JARID2: variants seen among roughly 807,000 people sequenced by gnomAD.
JARID2 encodes the protein jumonji and AT-rich interaction domain containing 2, also known as protein Jumonji.
Under a neutral mutation model 125.6 loss-of-function variants are expected in JARID2, and 21 were observed. The observed-to-expected ratio is 0.17, with a 90% CI of 0.12 to 0.24. The LOEUF (loss-of-function observed/expected upper bound fraction) is 0.24, where lower values mean the gene tolerates loss of function less well. JARID2 is among the 10% of genes least tolerant of loss of function. The probability of loss-of-function intolerance (pLI) is 1.00; values close to 1 mark genes in which losing one functional copy is unlikely to be tolerated. For missense variants in JARID2, 1,303 were observed against 1,639.6 expected (o/e 0.79, Z 3.55); for synonymous variants, 736 against 661.6 (o/e 1.11, Z -1.73).
At chr6:15,414,546 G>A (rs200727110) in intron 3 of JARID2, among the ~76,000 whole-genome samples, 3 of 105,394 alleles carry the variant, frequency 2.8e-5, no homozygotes, top group Non-Finnish European at 4.0e-5. Context: ...CTCAAAACCG[G>A]TATATTTTTA....
intron 1 of JARID2, among the ~76,000 whole-genome samples, chr6:15,283,981 A>T (rs1000627473): frequency 2.0e-5 from 3 of 152,224 alleles, no homozygotes; most frequent in Non-Finnish European, 1.5e-5. Context: ...TGCTGGGATT[A>T]CAGGCGTGAG....
At chr6:15,257,750 G>T (rs954171339) in intron 1 of JARID2, among the ~76,000 whole-genome samples, 1 of 152,208 alleles carries the variant, frequency 6.6e-6, no homozygotes, top group Admixed American at 6.5e-5. Context: ...CAGCGGGTTG[G>T]TTGGTTTGTT....
At chr6:15,306,311 A>G (rs943623806) in intron 1 of JARID2, among the ~76,000 whole-genome samples, 7 of 151,004 alleles carry the variant, frequency 4.6e-5, no homozygotes, top group African/African-American at 1.7e-4. Context: ...TTTCTCATTA[A>G]CAACATAGTC....
At chr6:15,271,206 G>A (rs1265569509) in intron 1 of JARID2, among the ~76,000 whole-genome samples, 2 of 152,152 alleles carry the variant, frequency 1.3e-5, no homozygotes, top group Admixed American at 6.5e-5. Flanking sequence ...ATGTGTAGGG[G>A]GCATGCAGGA....
intron 5 of JARID2, among the ~76,000 whole-genome samples, chr6:15,478,651 C>A (rs1242586968): frequency 2.0e-5 from 3 of 151,850 alleles, no homozygotes; most frequent in Non-Finnish European, 4.4e-5. Flanking sequence ...TGTTTTAAAT[C>A]ATTATTTTTG....
chr6:15,412,007 G>A (rs1765899605), intron 3 of JARID2, among the ~76,000 whole-genome samples: 1 of 152,226 alleles, frequency 6.6e-6, no homozygotes, highest in African/African-American at 2.4e-5. Flanking sequence ...GCACCTGAGT[G>A]CAAAGCAGTC....
intron 1 of JARID2, among the ~76,000 whole-genome samples, chr6:15,349,032 G>A (rs897756277): frequency 2.0e-5 from 3 of 152,178 alleles, no homozygotes; most frequent in African/African-American, 4.8e-5. Context: ...GTATTAGGAA[G>A]GGAAAAATGT....
chr6:15,412,490 G>A (rs1765921405), intron 3 of JARID2, among the ~76,000 whole-genome samples: 1 of 152,098 alleles, frequency 6.6e-6, no homozygotes, highest in Non-Finnish European at 1.5e-5. Flanking sequence ...TGTATTTTTA[G>A]TAGAGATGGG....
intron 1 of JARID2, among the ~76,000 whole-genome samples, chr6:15,255,025 CAAAAAAA>C (rs539161155): frequency 7.1e-6 from 1 of 141,570 alleles, no homozygotes; most frequent in Non-Finnish European, 1.5e-5. Context: ...AAACAAAAAA[CAAAAAAA>C]AAACACCACA....
intron 2 of JARID2, among the ~76,000 whole-genome samples, chr6:15,395,917 C>G (rs910883502): frequency 6.6e-6 from 1 of 152,192 alleles, no homozygotes; most frequent in East Asian, 1.9e-4. Flanking sequence ...CCCGCCTTGG[C>G]CTCCCTAAGT....
chr6:15,380,795 A>T (rs1209396982), intron 2 of JARID2, among the ~76,000 whole-genome samples: 1 of 152,224 alleles, frequency 6.6e-6, no homozygotes, highest in Non-Finnish European at 1.5e-5. Flanking sequence ...TTCATTGTTA[A>T]CAAAATATGT....
At chr6:15,387,415 C>G (rs1253244849) in intron 2 of JARID2, among the ~76,000 whole-genome samples, 1 of 152,156 alleles carries the variant, frequency 6.6e-6, no homozygotes, top group Non-Finnish European at 1.5e-5. Context: ...AAGGTGCAGG[C>G]CAGCTGGGTT....
rs79379745 is a variant in JARID2, at chr6:15,452,442, A to G, written c.493+267A>G. On this transcript the variant is annotated intron_variant, in intron 4 of 17. Coordinates refer to ENST00000341776, the MANE Select transcript of JARID2 (RefSeq NM_004973.4). Reference sequence around the variant, plus strand: ...CTCAATGCACAATTATGCAGTTTCTAACTTTGACTTCTAATTTGATTTCTC... The same window carrying G: ...CTCAATGCACAATTATGCAGTTTCTGACTTTGACTTCTAATTTGATTTCTC... 7.2e-3 allele frequency among the ~76,000 whole-genome samples: 1,095 copies of G among 152,180 alleles called. 13 individuals are homozygous for G. The highest frequency in any genetic ancestry group is 0.025 in the African/African-American group (1,041 of 41,520).
intron 1 of JARID2, among the ~76,000 whole-genome samples, chr6:15,279,562 C>T (rs561367477): frequency 1.3e-5 from 2 of 152,290 alleles, no homozygotes; most frequent in South Asian, 4.1e-4. Context: ...CCTTTACTTC[C>T]ATAAGTACTT....
chr6:15,503,025 G>A (rs532141838), intron 8 of JARID2, among the ~76,000 whole-genome samples: 1 of 152,378 alleles, frequency 6.6e-6, no homozygotes, highest in African/African-American at 2.4e-5. Context: ...AATTCTGTGA[G>A]CGTATGTTTG....
rs554120696 is a variant in JARID2 at position 15,508,968 on chromosome 6, T to G, written c.2846+514T>G. Reference sequence around the variant, plus strand: ...TTCATGATTGGTTATTTTCAGCCTCTCTGTAGAGCCAGTGTTTCCTCATCT... The same window carrying G: ...TTCATGATTGGTTATTTTCAGCCTCGCTGTAGAGCCAGTGTTTCCTCATCT... On this transcript the variant is annotated intron_variant, in intron 12 of 17. Transcript: ENST00000341776. 2.2e-5 allele frequency: 29 copies of G among 1,289,390 alleles called. No homozygotes were observed. The South Asian group carries it at 2.8e-4, about 13-fold the overall frequency. The allele number at this position is 1,289,390 out of a possible 1,614,324, so 79.9% of individuals were successfully genotyped here. A position where few individuals can be genotyped will look rare whatever the true frequency, so the allele number is the denominator to read the frequency against.
intron 5 of JARID2, among the ~76,000 whole-genome samples, chr6:15,473,514 G>GGCCCC (rs1769181602): frequency 2.9e-5 from 1 of 35,068 alleles, no homozygotes; most frequent in Admixed American, 4.5e-4. Context: ...TGATGTGCGT[G>GGCCCC]CCCCCCCCCC....
chr6:15,369,626 G>A (rs1304432029), intron 1 of JARID2, among the ~76,000 whole-genome samples: 1 of 152,224 alleles, frequency 6.6e-6, no homozygotes, highest in Non-Finnish European at 1.5e-5. Context: ...TTCAGACAGT[G>A]AGGTGCTAAT....
intron 1 of JARID2, among the ~76,000 whole-genome samples, chr6:15,261,546 T>A (rs1359244713): frequency 6.6e-6 from 1 of 152,002 alleles, no homozygotes; most frequent in Non-Finnish European, 1.5e-5. Flanking sequence ...GGTCTCCATC[T>A]CTTGACGTTG....
Sources: gnomAD v4.1 joint callset for allele counts (sites outside exome capture counted in the v4.1 genomes callset) on GRCh38, gnomAD v4.1.1 for gene constraint, MANE v1.5 for transcripts, NCBI Gene and HGNC (gene_info 2026-07-23, HGNC 2026-07-21) for gene names.